The following SAMD4A variants were observed in gnomAD, a reference collection of about 807,000 sequenced individuals.
SAMD4A encodes protein Smaug homolog 1.
In SAMD4A, 33 loss-of-function variants were observed where a neutral mutation model predicts 81.3. The observed-to-expected ratio is 0.41, with a 90% CI of 0.31 to 0.54. The LOEUF (loss-of-function observed/expected upper bound fraction) is 0.54. SAMD4A is among the 20% of genes least tolerant of loss of function. The probability of loss-of-function intolerance (pLI) is 0.37; values close to 1 mark genes in which losing one functional copy is unlikely to be tolerated. For synonymous variants in SAMD4A, 389 were observed against 382.1 expected (o/e 1.02, Z -0.21); for missense variants, 854 against 951.1 (o/e 0.90, Z 1.34).
intron 11 of SAMD4A, among the ~76,000 whole-genome samples, chr14:54,778,338 CTT>C (rs903191822): frequency 2.6e-5 from 4 of 152,212 alleles, no homozygotes; most frequent in African/African-American, 9.6e-5. Context: ...CCACCTATAC[CTT>C]TGTTTCCCCT....
intron 2 of SAMD4A, among the ~76,000 whole-genome samples, chr14:54,588,935 G>T (rs540210631): frequency 2.0e-5 from 3 of 152,200 alleles, no homozygotes; most frequent in African/African-American, 7.2e-5. Flanking sequence ...GGATGGTATT[G>T]TTAAGTTTAA....
intron 2 of SAMD4A, among the ~76,000 whole-genome samples, chr14:54,619,949 G>A (rs2034576574): frequency 6.6e-6 from 1 of 151,896 alleles, no homozygotes; most frequent in Non-Finnish European, 1.5e-5. Context: ...TTTTCCTTTG[G>A]ACTTGAAAGA....
chr14:54,755,338 G>A (rs960872279), intron 6 of SAMD4A, among the ~76,000 whole-genome samples: 1 of 152,188 alleles, frequency 6.6e-6, no homozygotes, highest in Non-Finnish European at 1.5e-5. Context: ...GCAAGTCAGT[G>A]GCCGGAAGAG....
At chr14:54,720,107 A>G (rs1372476016) in intron 3 of SAMD4A, among the ~76,000 whole-genome samples, 2 of 152,230 alleles carry the variant, frequency 1.3e-5, no homozygotes, top group Middle Eastern at 3.4e-3. Flanking sequence ...GGTGATTCAT[A>G]TAACTTGATC....
At chr14:54,672,023 T>G (rs1304499273) in intron 2 of SAMD4A, among the ~76,000 whole-genome samples, 4 of 17,746 alleles carry the variant, frequency 2.3e-4, no homozygotes, top group African/African-American at 5.0e-4. Flanking sequence ...TTATAGTGTT[T>G]TTTTTTTTTT....
chr14:54,597,121 A>C (rs1333197106), intron 2 of SAMD4A, among the ~76,000 whole-genome samples: 1 of 145,190 alleles, frequency 6.9e-6, no homozygotes, highest in East Asian at 2.0e-4. Flanking sequence ...TTTTTTTTTG[A>C]AAAATGGAAG....
At chr14:54,644,858 T>G (rs1008880988) in intron 2 of SAMD4A, among the ~76,000 whole-genome samples, 20 of 152,236 alleles carry the variant, frequency 1.3e-4, no homozygotes, top group Middle Eastern at 3.4e-3. Flanking sequence ...GTAAATTGGA[T>G]GGTGTGGGAA....
At chr14:54,680,034 G>T (rs191356780) in intron 2 of SAMD4A, among the ~76,000 whole-genome samples, 1 of 152,156 alleles carries the variant, frequency 6.6e-6, no homozygotes, top group Non-Finnish European at 1.5e-5. Context: ...CAGTCCTACC[G>T]GGGCCACACT....
At chr14:54,739,907 C>T (rs748780813) in intron 4 of SAMD4A, among the ~76,000 whole-genome samples, 5 of 152,206 alleles carry the variant, frequency 3.3e-5, no homozygotes, top group South Asian at 4.1e-4. Flanking sequence ...CGGTGGCTCA[C>T]GCCTGTAATC....
chr14:54,687,908 G>A, intron 2 of SAMD4A: 2 of 983,428 alleles, frequency 2.0e-6, no homozygotes, highest in Non-Finnish European at 2.4e-6. Context: ...CTGGGCTGCT[G>A]TCCCTTCTCA....
intron 3 of SAMD4A, chr14:54,704,008 A>T (rs2036788394): frequency 6.6e-6 from 1 of 152,236 alleles, no homozygotes. Flanking sequence ...CTGAAACAGT[A>T]CCTCAGTGGA....
intron 3 of SAMD4A, among the ~76,000 whole-genome samples, chr14:54,729,873 G>A (rs566255842): frequency 6.6e-6 from 1 of 152,274 alleles, no homozygotes; most frequent in East Asian, 1.9e-4. Context: ...GAAATTTACT[G>A]ATTTCTATTT....
chr14:54,700,647 GT>G (rs1396817944), intron 2 of SAMD4A, among the ~76,000 whole-genome samples: 1 of 152,218 alleles, frequency 6.6e-6, no homozygotes, highest in Non-Finnish European at 1.5e-5. Context: ...CAGTGGGCCA[GT>G]GTTGAGATCT....
intron 3 of SAMD4A, among the ~76,000 whole-genome samples, chr14:54,704,265 T>G (rs925003480): frequency 1.3e-5 from 2 of 152,190 alleles, no homozygotes; most frequent in African/African-American, 4.8e-5. Context: ...CAGATGACAG[T>G]CTCTTGGTCT....
At chr14:54,712,676 G>C (rs921114425) in intron 3 of SAMD4A, among the ~76,000 whole-genome samples, 1 of 152,114 alleles carries the variant, frequency 6.6e-6, no homozygotes, top group African/African-American at 2.4e-5. Context: ...TGCTGTAGTG[G>C]GCGAGAAGCC....
chr14:54,639,241 G>A (rs942606), intron 2 of SAMD4A, among the ~76,000 whole-genome samples: 99,408 of 152,058 alleles, frequency 0.65, 32,673 homozygotes, highest in East Asian at 0.8. Context: ...TGCCTGTTGC[G>A]TGGGGGCACG....
At chr14:54,762,088 C>G (rs1201225344) in intron 7 of SAMD4A, among the ~76,000 whole-genome samples, 1 of 152,182 alleles carries the variant, frequency 6.6e-6, no homozygotes, top group East Asian at 1.9e-4. Context: ...ATGCTGGGTG[C>G]ACGCCTGTCG....
chr14:54,742,601 A>G (rs2037872336), intron 4 of SAMD4A, among the ~76,000 whole-genome samples: 1 of 152,188 alleles, frequency 6.6e-6, no homozygotes, highest in South Asian at 2.1e-4. Context: ...AAGGAGCTCT[A>G]TGACTTTCTT....
intron 2 of SAMD4A, among the ~76,000 whole-genome samples, chr14:54,662,495 C>T (rs924775341): frequency 6.6e-6 from 1 of 151,554 alleles, no homozygotes; most frequent in Non-Finnish European, 1.5e-5. Flanking sequence ...CTGCAACCTC[C>T]ACCTCCCAGG....
Sources: gnomAD v4.1 joint callset for allele counts (sites outside exome capture counted in the v4.1 genomes callset) on GRCh38, gnomAD v4.1.1 for gene constraint, MANE v1.5 for transcripts, NCBI Gene and HGNC (gene_info 2026-07-23, HGNC 2026-07-21) for gene names.